Variants in SIDT2 observed in about 807,000 individuals in gnomAD.
The protein encoded by SIDT2 is SID1 transmembrane family member 2.
A neutral mutation model predicts 114.4 loss-of-function variants in SIDT2; 68 were observed. The ratio of observed to expected loss-of-function variants is 0.59; its 90% CI spans 0.49 to 0.73. SIDT2 has a LOEUF of 0.73. SIDT2 is among the 30% of genes least tolerant of loss of function. SIDT2 has a pLI of 0.00. For missense variants in SIDT2, 918 were observed against 1,097.1 expected (o/e 0.84, Z 2.31); for synonymous variants, 470 against 438.4 (o/e 1.07, Z -0.90).
At chr11:117,195,693 C>A (rs2030871644) in intron 24 of SIDT2, 109 bp from the exon 25 acceptor site, 1 of 1,107,472 alleles carries the variant, frequency 9.0e-7, no homozygotes, top group Non-Finnish European at 1.3e-6. Flanking sequence ...TTGCTGCTGT[C>A]CTGCCTGGGG....
chr11:117,189,323 C>T lies in SIDT2; in HGVS notation c.1353-12C>T. 1.2e-6 allele frequency: 2 copies of T among 1,614,246 alleles called. No homozygotes were observed. Among genetic ancestry groups the T allele is most frequent in the Admixed American group, 1.7e-5 (1 of 60,032 alleles). Reference sequence around the variant, plus strand: ...GTGCCACCCACCTCACTGCCGCCCTCCTGCTCCGCAGGAACATTGCCACCA... The same window carrying T: ...GTGCCACCCACCTCACTGCCGCCCTTCTGCTCCGCAGGAACATTGCCACCA... On this transcript the variant is annotated splice_polypyrimidine_tract_variant and intron_variant, in intron 14 of 25. Transcript: ENST00000324225.
In SIDT2 at chr11:117,192,411, T is replaced by C. The variant is rs2134259375; in HGVS notation, c.1981+49T>C. The C allele has an allele frequency of 7.0e-7, 1 of 1,430,512 alleles. No homozygotes were observed. The highest frequency in any genetic ancestry group is 9.8e-7 in the Non-Finnish European group (1 of 1,018,226). The allele number at this position is 1,430,512 out of a possible 1,614,324, so 88.6% of individuals were successfully genotyped here. A position where few individuals can be genotyped will look rare whatever the true frequency, so the allele number is the denominator to read the frequency against. ...CCTGGGGGAGGGGTCTGGGGGGCCTTGGGAACCCGGACGCACGGGAGACGC... is the reference window on the plus strand; with the variant it reads ...CCTGGGGGAGGGGTCTGGGGGGCCTCGGGAACCCGGACGCACGGGAGACGC... On this transcript the variant is annotated intron_variant, in intron 20 of 25. Transcript: ENST00000324225. This position sits in a 1 kb window ranked among gnomAD's most constrained non-coding sequence, Gnocchi z 5.9.
chr11:117,186,618 C>G lies in SIDT2; in HGVS notation c.997C>G (p.Arg333Gly). 6.4e-7 allele frequency: 1 copy of G among 1,569,094 alleles called. No homozygotes were observed. The highest frequency in any genetic ancestry group is 8.6e-7 in the Non-Finnish European group (1 of 1,161,634). ...GAAGACCCTGCTGGTGGCCATTGAC[C>G]GAGCCTGCCCAGAAAGCGGTACCTC... The part of the protein sequence containing the change: ...KKKTLLVAID[R>G]ACPESGHPRV... Residue 333 changes from arginine to glycine, a missense_variant, in exon 10 of 26, where the codon CGA (arginine) becomes GGA (glycine). By Grantham distance (125) the Arg-to-Gly change is moderately radical (BLOSUM62 -2). Transcript: ENST00000324225.
At position 117,192,620 on chromosome 11, in the gene SIDT2, C is replaced by T; in HGVS notation, c.2028C>T (p.Cys676=). 6.2e-7 allele frequency: 1 copy of T among 1,611,910 alleles called. No homozygotes were observed. Residue 676 remains cysteine, a synonymous_variant, in exon 21 of 26, where the codon TGC becomes TGT. Transcript: ENST00000324225. The surrounding 1 kb of genome is among the most constrained non-coding windows in gnomAD (Gnocchi z 5.9). ...TCCTCCACGTGCTCTACACAGACTG[C>T]ATCCGGCAGTGCAGCGGGCCGCTCT... ...RRILHVLYTD[C]IRQCSGPLYV...
chr11:117,189,167 A>G lies in SIDT2; in HGVS notation c.1279-2A>G. 6.2e-7 allele frequency: 1 copy of G among 1,614,206 alleles called. No homozygotes were observed. The highest frequency in any genetic ancestry group is 1.1e-5 in the South Asian group (1 of 91,090). ...GTGGGGCTGATTCCAGCTTCTCCCC[A>G]GCAATACCTCTATGTGGCTGACCTG... is the stretch of plus-strand genomic sequence containing the variant. On this transcript the variant is annotated splice_acceptor_variant, in intron 13 of 25. Transcript: ENST00000324225. LOFTEE classifies it high-confidence loss of function.
rs372886005 is a variant in SIDT2 at position 117,181,933 on chromosome 11, C to T, written c.432C>T (p.Tyr144=). ...CCCTGTCACCAGTCAACACCACATA[C>T]CAGCTCCGGGTCAGCCGCATGGACG... ...VSTLSPVNTT[Y]QLRVSRMDDF... Residue 144 remains tyrosine (Y), a synonymous_variant, in exon 3 of 26, where the codon TAC becomes TAT. Coordinates refer to ENST00000324225, the MANE Select transcript of SIDT2 (RefSeq NM_001040455.2). 1.9e-6 allele frequency: 3 copies of T among 1,614,160 alleles called. No homozygotes were observed. The highest frequency in any genetic ancestry group is 1.7e-6 in the Non-Finnish European group (2 of 1,180,042).
chr11:117,190,401 C>T lies in SIDT2; in HGVS notation c.1617+112C>T. On this transcript the variant is annotated intron_variant, in intron 17 of 25. Transcript: ENST00000324225. The surrounding 1 kb of genome is among the most constrained non-coding windows in gnomAD (Gnocchi z 4.1). ...TGGCCCTGCCTTCCCCAGCTCTCCC[C>T]TCCCCAGTTCTGTCTGGCCCACCCT... is the stretch of plus-strand genomic sequence containing the variant. 3.4e-6 allele frequency: 5 copies of T among 1,468,552 alleles called. No homozygotes were observed. Among genetic ancestry groups the T allele is most frequent in the South Asian group, 2.8e-5 (2 of 72,476 alleles). 91.0% of individuals were successfully genotyped at this position (1,468,552 alleles called of 1,614,324 possible). A position where few individuals can be genotyped will look rare whatever the true frequency, so the allele number is the denominator to read the frequency against.
At chr11:117,187,761 C>G in intron 12 of SIDT2, 62 bp downstream of exon 12, 1 of 1,539,254 alleles carries the variant, frequency 6.5e-7, no homozygotes, top group South Asian at 1.1e-5. Flanking sequence ...GGTAAAATGT[C>G]ACGGTGGGCG....
Position 117,188,687 on chromosome 11 carries a change from C to G in SIDT2, c.1160-21C>G. On this transcript the variant is annotated intron_variant, in intron 12 of 25. Transcript: ENST00000324225. The surrounding 1 kb of genome is among the most constrained non-coding windows in gnomAD (Gnocchi z 4.0). ...GGTTTTGTGTCCACCGGTGCAACCC[C>G]TCCCTCCCTGCCCTTTCCAGGCCGC... is the stretch of plus-strand genomic sequence containing the variant. 1 of 1,595,904 alleles carries G rather than the reference C, an allele frequency of 6.3e-7. No homozygotes were observed. Among genetic ancestry groups the G allele is most frequent in the African/African-American group, 1.3e-5 (1 of 74,660 alleles).
Position 117,188,481 on chromosome 11 carries a change from C to T in SIDT2, c.1160-227C>T, listed in dbSNP as rs1046286852. The T allele has an allele frequency of 1.8e-6, 1 of 569,110 alleles. No individual in the cohort carries two copies. Among genetic ancestry groups the T allele is most frequent in the Non-Finnish European group, 3.2e-6 (1 of 316,870 alleles). 35.3% of individuals were successfully genotyped at this position (569,110 alleles called of 1,614,324 possible). On this transcript the variant is annotated intron_variant, in intron 12 of 25. Coordinates refer to ENST00000324225, the MANE Select transcript of SIDT2 (RefSeq NM_001040455.2). The surrounding 1 kb of genome is among the most constrained non-coding windows in gnomAD (Gnocchi z 4.0). ...CAGGAACAGAGCAAAGCTAGAGCGG[C>T]CCCTGTGTGGTGGCCTCTTCTAGAG... is the stretch of plus-strand genomic sequence containing the variant.
Position 117,191,922 on chromosome 11 carries a change from C to T in SIDT2, c.1780C>T (p.Leu594Phe), listed in dbSNP as rs2030716205. The T allele has an allele frequency of 6.2e-7, 1 of 1,614,062 alleles. No individual in the cohort carries two copies. The highest frequency in any genetic ancestry group is 1.3e-5 in the African/African-American group (1 of 74,926). The change falls in exon 19 of 26, where the codon CTC becomes TTC. Residue 594 changes from leucine to phenylalanine, a missense_variant. Transcript: ENST00000324225. ...GATCGCCGGACTCTGCATGCTGAAG[C>T]TCTACCAGAAGCGGCACCCGGACAT... The part of the protein sequence containing the change: ...YMIAGLCMLK[L>F]YQKRHPDINA...
rs1421134331 is a variant in SIDT2, at chr11:117,187,379, T to G, written c.1017T>G (p.Gly339=). ...ACAGACCTTGACTTCTCATTGCAGG[T>G]CACCCTCGAGTCCTGGCTGATTCTT... ...VAIDRACPES[G]HPRVLADSFP... is the part of the protein sequence containing the mutation. The change falls in exon 11 of 26, where the codon GGT becomes GGG. Residue 339 remains glycine, a splice_region_variant and synonymous_variant. Transcript: ENST00000324225. 2.5e-6 allele frequency: 4 copies of G among 1,614,018 alleles called. No homozygotes were observed. The highest frequency in any genetic ancestry group is 2.2e-5 in the South Asian group (2 of 91,072).
Position 117,186,195 on chromosome 11 carries a change from G to A in SIDT2, c.934G>A (p.Val312Ile), listed in dbSNP as rs147408653. The change falls in exon 9 of 26, where the codon GTC becomes ATC. Residue 312 changes from valine (V) to isoleucine (I), a missense_variant. Physicochemically the swap from Val to Ile is conservative, Grantham distance 29 (BLOSUM62 3). Transcript: ENST00000324225. Reference protein sequence around the residue: ...GIFLSFYLLTVLLACWENWRQ... With the variant: ...GIFLSFYLLTILLACWENWRQ... ...ATTTCTCTCCTTTTACCTGCTGACCGTCCTCCTGGCCTGCTGGGAGAACTG... is the reference window on the plus strand; with the variant it reads ...ATTTCTCTCCTTTTACCTGCTGACCATCCTCCTGGCCTGCTGGGAGAACTG... The A allele has an allele frequency of 2.2e-4, 355 of 1,614,068 alleles. 3 individuals are homozygous for A. The East Asian group carries it at 6.4e-3, about 29-fold the overall frequency.
intron 1 of SIDT2, chr11:117,179,666 T>A: frequency 1.9e-6 from 1 of 538,204 alleles, no homozygotes; most frequent in South Asian, 2.5e-5. Context: ...GTTGGCTCAT[T>A]CCCATCTTCT....
rs1285524734 is a variant in SIDT2, at chr11:117,183,890, G to A, written c.802+12G>A. On this transcript the variant is annotated intron_variant, in intron 7 of 25. Coordinates refer to ENST00000324225, the MANE Select transcript of SIDT2 (RefSeq NM_001040455.2). ...CCCCTTCGCAGAAGGTACATTTTGTGCCCTGGGCCTGGCTAGGGATGGGGA... is the reference window on the plus strand; with the variant it reads ...CCCCTTCGCAGAAGGTACATTTTGTACCCTGGGCCTGGCTAGGGATGGGGA... 1 of 1,605,802 alleles carries A rather than the reference G, an allele frequency of 6.2e-7. No homozygotes were observed.
At chr11:117,194,725 G>T (rs886081701) in intron 24 of SIDT2, among the ~76,000 whole-genome samples, 1 of 152,194 alleles carries the variant, frequency 6.6e-6, no homozygotes, top group African/African-American at 2.4e-5. Flanking sequence ...AGGACTAACG[G>T]GTCTCTCCGA....
Position 117,186,164 on chromosome 11 carries a change from G to T in SIDT2, c.903G>T (p.Leu301=), listed in dbSNP as rs375341099. ...ACGTCAGTGGGATGCTCTTTTGCCTGGGTATATTTCTCTCCTTTTACCTGC... is the reference window on the plus strand; with the variant it reads ...ACGTCAGTGGGATGCTCTTTTGCCTTGGTATATTTCTCTCCTTTTACCTGC... ...EAYVSGMLFC[L]GIFLSFYLLT... is the part of the protein sequence containing the mutation. The change falls in exon 9 of 26, where the codon CTG becomes CTT. Residue 301 remains leucine (L), a synonymous_variant. Transcript: ENST00000324225. 4.8e-5 allele frequency: 77 copies of T among 1,614,088 alleles called. No individual in the cohort carries two copies. The African/African-American group carries it at 7.3e-4, about 15-fold the overall frequency.
chr11:117,189,169 C>G lies in SIDT2; in HGVS notation c.1279C>G (p.Gln427Glu), dbSNP rs761995958. 1.9e-6 allele frequency: 3 copies of G among 1,614,164 alleles called. 1 individual carries two copies. In the South Asian group the frequency reaches 3.3e-5, roughly 18 times the overall value. The change falls in exon 14 of 26, where the codon CAA becomes GAA. Residue 427 changes from glutamine to glutamate, a missense_variant and splice_region_variant. Around this residue, in one of 4 missense-constraint regions of SIDT2, gnomAD observed 553 missense variants for 600.1 expected, o/e 0.92. Coordinates refer to ENST00000324225, the MANE Select transcript of SIDT2 (RefSeq NM_001040455.2). ...DSDKNVIRTK[Q>E]YLYVADLARK... is the part of the protein sequence containing the mutation. ...GGGGCTGATTCCAGCTTCTCCCCAGCAATACCTCTATGTGGCTGACCTGGC... is the reference window on the plus strand; with the variant it reads ...GGGGCTGATTCCAGCTTCTCCCCAGGAATACCTCTATGTGGCTGACCTGGC...
chr11:117,187,433 C>A lies in SIDT2; in HGVS notation c.1071C>A (p.Tyr357Ter), dbSNP rs757839884. The A allele has an allele frequency of 6.2e-7, 1 of 1,614,094 alleles. No homozygotes were observed. The highest frequency in any genetic ancestry group is 2.2e-5 in the East Asian group (1 of 44,864). ...SFPGSSPYEGYNYGSFENVSG... is the reference protein window; with the variant it reads ...SFPGSSPYEG ...CTGGCAGTTCCCCTTATGAGGGTTACAACTATGGCTCCTTTGGTACGTGTC... is the reference window on the plus strand; with the variant it reads ...CTGGCAGTTCCCCTTATGAGGGTTAAAACTATGGCTCCTTTGGTACGTGTC... Residue 357 changes from tyrosine to a stop codon, truncating the protein, a stop_gained, in exon 11 of 26, where the codon TAC becomes TAA. Coordinates refer to ENST00000324225, the MANE Select transcript of SIDT2 (RefSeq NM_001040455.2). LOFTEE classifies it high-confidence loss of function.
Sources: gnomAD v4.1 joint callset for allele counts (sites outside exome capture counted in the v4.1 genomes callset) on GRCh38, gnomAD v4.1.1 for gene constraint, gnomAD v4.1.1 regional missense constraint, Gnocchi (gnomAD v3.1) non-coding constraint, MANE v1.5 for transcripts, NCBI Gene and HGNC (gene_info 2026-07-23, HGNC 2026-07-21) for gene names.